TCOF1: variants seen among roughly 807,000 people sequenced by gnomAD.
The protein encoded by TCOF1 is treacle protein.
Under a neutral mutation model 149.0 loss-of-function variants are expected in TCOF1, and 33 were observed. The observed-to-expected ratio is 0.22, with a 90% CI of 0.17 to 0.30. The LOEUF (loss-of-function observed/expected upper bound fraction) is 0.30. TCOF1 is among the 10% of genes least tolerant of loss of function. TCOF1 has a pLI of 1.00. For missense variants in TCOF1, 1,728 were observed against 1,840.7 expected (o/e 0.94, Z 1.12); for synonymous variants, 789 against 738.8 (o/e 1.07, Z -1.10).
Position 150,375,869 on chromosome 5 carries a change from C to T in TCOF1, c.1853C>T (p.Ala618Val), listed in dbSNP as rs760114309. 26 of 1,614,002 alleles carry T rather than the reference C, an allele frequency of 1.6e-5. No individual in the cohort carries two copies. The highest frequency in any genetic ancestry group is 3.3e-5 in the Admixed American group (2 of 60,004). ...AGCAGCGAGGAGTCATCGGACAGTG[C>T]GGACAGTGAGGAGGCACCAGCAGCC... ...SESSEESSDS[A>V]DSEEAPAAMT... The change falls in exon 12 of 27, where the codon GCG becomes GTG. Residue 618 changes from alanine to valine, a missense_variant. Ala to Val is a moderately conservative substitution (Grantham distance 64). This residue lies in a region of TCOF1 where 1,696 missense variants were observed against 1,765.4 expected (regional missense o/e 0.96). Coordinates refer to ENST00000643257, the MANE Select transcript of TCOF1 (RefSeq NM_001371623.1).
At chr5:150,360,106 C>T (rs993438726) in intron 1 of TCOF1, among the ~76,000 whole-genome samples, 9 of 152,158 alleles carry the variant, frequency 5.9e-5, no homozygotes, top group African/African-American at 9.7e-5. Flanking sequence ...TTAGTGTTAC[C>T]GGCTCACTGC....
chr5:150,369,843 A>G (rs539943708), intron 6 of TCOF1, among the ~76,000 whole-genome samples: 4 of 152,258 alleles, frequency 2.6e-5, no homozygotes, highest in Non-Finnish European at 5.9e-5. Context: ...CTGTGAGACT[A>G]GACAAGCCTT....
chr5:150,393,643 A>G, intron 23 of TCOF1, 91 bp downstream of exon 23: 1 of 1,538,376 alleles, frequency 6.5e-7, no homozygotes, highest in South Asian at 1.2e-5. Context: ...CAGTCCTCCC[A>G]ACATGGTCCT....
At chr5:150,373,293 GGCCTCCCAAAGT>G (rs1762953088) in intron 7 of TCOF1, among the ~76,000 whole-genome samples, 1 of 152,076 alleles carries the variant, frequency 6.6e-6, no homozygotes. Flanking sequence ...CTCCCACCTT[GGCCTCCCAAAGT>G]GCCGTGATTA....
intron 17 of TCOF1, chr5:150,383,028 C>A: frequency 6.7e-7 from 1 of 1,495,430 alleles, no homozygotes; most frequent in Non-Finnish European, 8.9e-7. Flanking sequence ...CCCCACTCCC[C>A]GACCACGTGC....
At chr5:150,362,759 T>G (rs1052491010) in intron 2 of TCOF1, among the ~76,000 whole-genome samples, 1 of 152,166 alleles carries the variant, frequency 6.6e-6, no homozygotes, top group Admixed American at 6.5e-5. Flanking sequence ...CAGCCCACAC[T>G]TCCTCACCCT....
At chr5:150,358,815 C>T (rs578122271) in intron 1 of TCOF1, among the ~76,000 whole-genome samples, 4 of 151,330 alleles carry the variant, frequency 2.6e-5, no homozygotes, top group Non-Finnish European at 4.4e-5. Context: ...CCAGCCTGGG[C>T]GATAAAGCGA....
chr5:150,371,113 CA>C (rs1762433313), intron 6 of TCOF1, among the ~76,000 whole-genome samples: 1 of 152,134 alleles, frequency 6.6e-6, no homozygotes, highest in Admixed American at 6.5e-5. Context: ...AAGGTGTCCA[CA>C]GTTGGAAAGA....
chr5:150,379,392 C>T lies in TCOF1; in HGVS notation c.2642C>T (p.Ala881Val), dbSNP rs770059609. 5.0e-6 allele frequency: 8 copies of T among 1,613,912 alleles called. No homozygotes were observed. The highest frequency in any genetic ancestry group is 4.5e-5 in the East Asian group (2 of 44,880). ...GAGGAGTCAGACAGTGAGGAGGAGG[C>T]GGAGACGCTGGCTCAGGTGAGGGGG... is the stretch of plus-strand genomic sequence containing the variant. ...SEEESDSEEEAETLAQVKPSG... is the reference protein window; with the variant it reads ...SEEESDSEEEVETLAQVKPSG... The change falls in exon 16 of 27, where the codon GCG becomes GTG. Residue 881 changes from alanine to valine, a missense_variant. Around this residue, in one of 2 missense-constraint regions of TCOF1, gnomAD observed 1,696 missense variants for 1,765.4 expected, o/e 0.96. Coordinates refer to ENST00000643257, the MANE Select transcript of TCOF1 (RefSeq NM_001371623.1).
chr5:150,374,564 G>T, intron 8 of TCOF1, 53 bp from the exon 9 acceptor site: 2 of 1,610,758 alleles, frequency 1.2e-6, no homozygotes, highest in Non-Finnish European at 1.7e-6. Flanking sequence ...GGTGTCCTGT[G>T]TCTCCTCACA....
intron 15 of TCOF1, 36 bp downstream of exon 15, chr5:150,379,078 G>T: frequency 6.2e-7 from 1 of 1,613,900 alleles, no homozygotes; most frequent in Non-Finnish European, 8.5e-7. Flanking sequence ...GGTGTGGAGG[G>T]TTGGGGTAGA....
intron 14 of TCOF1, among the ~76,000 whole-genome samples, chr5:150,378,456 A>G (rs1434400263): frequency 1.3e-5 from 2 of 152,176 alleles, no homozygotes; most frequent in Non-Finnish European, 2.9e-5. Flanking sequence ...TGACCTCAGC[A>G]TTCCATCTAG....
In TCOF1 at chr5:150,374,828, G is replaced by T; in HGVS notation, c.1278+17G>T. 6.2e-7 allele frequency: 1 copy of T among 1,604,712 alleles called. No homozygotes were observed. The highest frequency in any genetic ancestry group is 8.5e-7 in the Non-Finnish European group (1 of 1,175,812). On this transcript the variant is annotated intron_variant, in intron 9 of 26. Transcript: ENST00000643257. ...CCTGCTCAGGTGAGGCAGAGGGGAG[G>T]GGTGGAGAGTAGCCCCATGCCTAAA...
rs773138164 is a variant in TCOF1, at chr5:150,391,605, A to G, written c.3245A>G (p.Gln1082Arg). ...LTQAALKVLA[Q>R]KASEAQPPVA... ...CAGGCTGCCCTGAAGGTCCTCGCCC[A>G]GAAAGCCAGTGAGGCTCAGCCTCCT... Residue 1082 changes from glutamine to arginine, a missense_variant, in exon 20 of 27, where the codon CAG becomes CGG. By Grantham distance (43) the Gln-to-Arg change is conservative. Transcript: ENST00000643257. The G allele has an allele frequency of 1.5e-5, 24 of 1,614,022 alleles. No individual in the cohort carries two copies. The highest frequency in any genetic ancestry group is 1.9e-5 in the Non-Finnish European group (22 of 1,180,038).
At chr5:150,357,923 C>T in intron 1 of TCOF1, 69 bp downstream of exon 1, 1 of 1,504,910 alleles carries the variant, frequency 6.6e-7, no homozygotes, top group Non-Finnish European at 8.9e-7. Flanking sequence ...GCGGCCCGCG[C>T]CCCGTCCCCA....
chr5:150,391,777 G>A (rs1328491606), intron 20 of TCOF1, 120 bp downstream of exon 20: 15 of 1,177,376 alleles, frequency 1.3e-5, no homozygotes, highest in Admixed American at 4.0e-5. Flanking sequence ...TGCCTCCCTC[G>A]GCCTCAGTGG....
chr5:150,381,770 A>T (rs1765248887), intron 17 of TCOF1, among the ~76,000 whole-genome samples: 1 of 152,230 alleles, frequency 6.6e-6, no homozygotes, highest in South Asian at 2.1e-4. Flanking sequence ...GACTGTCTTA[A>T]AGTGCACAAA....
intron 17 of TCOF1, chr5:150,384,546 G>A: frequency 1.0e-6 from 1 of 985,470 alleles, no homozygotes; most frequent in East Asian, 1.1e-4. Flanking sequence ...GCCTCTCTGA[G>A]GGATCTAAAC....
rs761447771 is a variant in TCOF1 at position 150,390,072 on chromosome 5, T to C, written c.3183+49T>C. 19 of 1,560,008 alleles carry C rather than the reference T, an allele frequency of 1.2e-5. No individual in the cohort carries two copies. In the South Asian group the frequency reaches 2.1e-4, roughly 17 times the overall value. On this transcript the variant is annotated intron_variant, in intron 19 of 26. Transcript: ENST00000643257. ...AATGCAGGCCAGTGGGGTGGGGCCC[T>C]ACTTCCATACTTACCCACATGTGCT...
Sources: allele counts gnomAD v4.1 joint callset (sites outside exome capture counted in the v4.1 genomes callset), GRCh38; gene constraint gnomAD v4.1.1; regional missense constraint gnomAD v4.1.1; transcripts MANE v1.5; gene names NCBI Gene and HGNC (gene_info 2026-07-23, HGNC 2026-07-21).